NUP58: variants seen among roughly 807,000 people sequenced by gnomAD.
The protein encoded by NUP58 is nucleoporin p58/p45.
NUP58 carries 17 observed loss-of-function variants against 70.1 expected under a neutral mutation model. The observed-to-expected ratio is 0.24, with a 90% CI of 0.17 to 0.36. The LOEUF is 0.36. Among genes scored for constraint, NUP58 ranks in the 10% least tolerant of loss-of-function variants. The pLI is 1.00. For missense variants in NUP58, 644 were observed against 701.5 expected (o/e 0.92, Z 0.93); for synonymous variants, 275 against 257.6 (o/e 1.07, Z -0.65).
chr13:25,306,198 G>A (rs2030347762), intron 1 of NUP58, among the ~76,000 whole-genome samples: 1 of 152,072 alleles, frequency 6.6e-6, no homozygotes, highest in African/African-American at 2.4e-5. Flanking sequence ...GAGGTCAGGA[G>A]ATTGAGACCA....
chr13:25,315,365 C>G lies in NUP58; in HGVS notation c.583C>G (p.Gln195Glu). The change falls in exon 6 of 16, where the codon CAG (glutamine) becomes GAG (glutamate). Residue 195 changes from glutamine (Q) to glutamate (E), a missense_variant. Physicochemically the swap from Gln to Glu is conservative, Grantham distance 29 (BLOSUM62 2). Coordinates refer to ENST00000381736, the MANE Select transcript of NUP58 (RefSeq NM_014089.4). ...TTATGTTTTATTTATAGGACTTGGA[C>G]AGAATGCTTTAGGGTTGACTTTGGG... is the stretch of plus-strand genomic sequence containing the variant. ...STNTGTSGLG[Q>E]NALGLTLGTT... is the part of the protein sequence containing the mutation. The G allele has an allele frequency of 6.2e-7, 1 of 1,611,844 alleles. No homozygotes were observed. The highest frequency in any genetic ancestry group is 8.5e-7 in the Non-Finnish European group (1 of 1,178,194).
intron 3 of NUP58, among the ~76,000 whole-genome samples, chr13:25,348,372 TTGA>T (rs1439524469): frequency 6.6e-6 from 1 of 152,002 alleles, no homozygotes; most frequent in East Asian, 1.9e-4. Context: ...TGATTTTGTA[TTGA>T]TGACATGTTG....
chr13:25,338,054 T>G (rs2031845339), intron 14 of NUP58, among the ~76,000 whole-genome samples: 1 of 152,178 alleles, frequency 6.6e-6, no homozygotes, highest in South Asian at 2.1e-4. Context: ...CATGATCTTC[T>G]CACCACCAAT....
chr13:25,313,732 T>G lies in NUP58; in HGVS notation c.555T>G (p.Ser185Arg), dbSNP rs1003058543. ...GTTTGGGAGGTTCACTTTTCCAGAG[T>G]ACAAACACAGGAACATCAGGTAATT... is the stretch of plus-strand genomic sequence containing the variant. ...LAGLGGSLFQ[S>R]TNTGTSGLGQ... The change falls in exon 5 of 16, where the codon AGT becomes AGG. Residue 185 changes from serine (S) to arginine (R), a missense_variant. By Grantham distance (110) the Ser-to-Arg change is moderately radical (BLOSUM62 -1). Around this residue, in one of 4 missense-constraint regions of NUP58, gnomAD observed 430 missense variants for 409.2 expected, o/e 1.05. Coordinates refer to ENST00000381736, the MANE Select transcript of NUP58 (RefSeq NM_014089.4). The G allele has an allele frequency of 6.5e-7, 1 of 1,528,862 alleles. No individual in the cohort carries two copies. Among genetic ancestry groups the G allele is most frequent in the South Asian group, 1.3e-5 (1 of 74,628 alleles). 94.7% of individuals were successfully genotyped at this position (1,528,862 alleles called of 1,614,324 possible).
In NUP58 at chr13:25,310,206, A is replaced by ATTTTTTT. The variant is rs796547133; in HGVS notation, c.286+948_286+954dup. Among the ~76,000 whole-genome samples the ATTTTTTT allele has an allele frequency of 6.1e-4, 29 of 47,498 alleles. 1 individual carries two copies. Among genetic ancestry groups the ATTTTTTT allele is most frequent in the African/African-American group, 1.7e-3 (26 of 15,356 alleles). The allele number at this position is 47,498 out of a possible 152,430, so 31.2% of individuals were successfully genotyped here. ...AGGCACATACCACAACCCTTGGCTA[A>ATTTTTTT]TTTTTTTTTTTTTTTTTTTTTTTTT... On this transcript the variant is annotated intron_variant, in intron 3 of 15. Transcript: ENST00000381736.
chr13:25,347,448 T>C (rs560547817), intron 3 of NUP58, among the ~76,000 whole-genome samples: 7 of 152,318 alleles, frequency 4.6e-5, no homozygotes, highest in African/African-American at 1.7e-4. Context: ...GGGGAGAATT[T>C]ACCTAGGGTA....
chr13:25,332,895 A>C (rs977501010), intron 13 of NUP58: 2 of 985,320 alleles, frequency 2.0e-6, no homozygotes, highest in Admixed American at 1.2e-4. Flanking sequence ...AGCTCTCATG[A>C]TTACCTAACC....
chr13:25,337,143 G>T (rs1468594235), intron 14 of NUP58, 109 bp downstream of exon 14: 1 of 552,658 alleles, frequency 1.8e-6, no homozygotes, highest in South Asian at 4.0e-5. Context: ...GGAAGTTAAG[G>T]TTCCATCTGG....
Position 25,301,696 on chromosome 13 carries a change from G to T in NUP58, c.-78G>T, listed in dbSNP as rs571252971. 6 of 737,990 alleles carry T rather than the reference G, an allele frequency of 8.1e-6. No homozygotes were observed. The East Asian group carries it at 2.0e-4, about 25-fold the overall frequency. The allele number at this position is 737,990 out of a possible 1,614,324, so 45.7% of individuals were successfully genotyped here. A position where few individuals can be genotyped will look rare whatever the true frequency, so the allele number is the denominator to read the frequency against. ...GTGCCGGGCGAGAGAGATGCTGCCC[G>T]GCCCGCCTCGGCTTTGAGGCGAGAG... On this transcript the variant is annotated 5_prime_UTR_variant, in exon 1 of 16. Coordinates refer to ENST00000381736, the MANE Select transcript of NUP58 (RefSeq NM_014089.4).
Position 25,340,176 on chromosome 13 carries a change from C to G in NUP58, c.*42C>G. ...TGAGAGAATCCATAGCAGCACCGTTCATTCTATGAGTCTATTTTTCTAATG... is the reference window on the plus strand; with the variant it reads ...TGAGAGAATCCATAGCAGCACCGTTGATTCTATGAGTCTATTTTTCTAATG... On this transcript the variant is annotated 3_prime_UTR_variant, in exon 16 of 16. Coordinates refer to ENST00000381736, the MANE Select transcript of NUP58 (RefSeq NM_014089.4). The G allele has an allele frequency of 6.6e-7, 1 of 1,507,100 alleles. No individual in the cohort carries two copies. The highest frequency in any genetic ancestry group is 8.9e-7 in the Non-Finnish European group (1 of 1,123,960). The allele number at this position is 1,507,100 out of a possible 1,614,324, so 93.4% of individuals were successfully genotyped here. A position where few individuals can be genotyped will look rare whatever the true frequency, so the allele number is the denominator to read the frequency against.
At chr13:25,347,742 T>G (rs1374722711) in intron 3 of NUP58, among the ~76,000 whole-genome samples, 3 of 152,230 alleles carry the variant, frequency 2.0e-5, no homozygotes, top group Non-Finnish European at 4.4e-5. Context: ...AGCTTGTTTT[T>G]GTAGATGTTT....
rs1223173694 is a variant in NUP58 at position 25,337,229 on chromosome 13, GA to G, written c.1534+197del. Among the ~76,000 whole-genome samples, 3 of 152,016 alleles carry G rather than the reference GA, an allele frequency of 2.0e-5. No individual in the cohort carries two copies. The South Asian group carries it at 6.2e-4, about 31-fold the overall frequency. On this transcript the variant is annotated intron_variant, in intron 14 of 15. Transcript: ENST00000381736. Reference sequence around the variant, plus strand: ...CTTAAAGAATCATTCCATCTTCTGTGAACAGCAAATATAAAGTATTAAAATT... The same window carrying G: ...CTTAAAGAATCATTCCATCTTCTGTGACAGCAAATATAAAGTATTAAAATT...
chr13:25,319,822 G>C (rs895782096), intron 7 of NUP58, among the ~76,000 whole-genome samples: 14 of 152,040 alleles, frequency 9.2e-5, no homozygotes, highest in Admixed American at 7.2e-4. Context: ...CACATGATTT[G>C]TACTATATTA....
chr13:25,303,597 T>A (rs1196492036), intron 1 of NUP58, among the ~76,000 whole-genome samples: 2 of 152,182 alleles, frequency 1.3e-5, no homozygotes, highest in Non-Finnish European at 2.9e-5. Flanking sequence ...AATGGTCTCT[T>A]CCCCAGAGAG....
intron 9 of NUP58, among the ~76,000 whole-genome samples, chr13:25,322,136 T>C (rs930295724): frequency 3.9e-5 from 6 of 152,224 alleles, no homozygotes; most frequent in Admixed American, 6.5e-5. Flanking sequence ...CTAGAAATCT[T>C]TCCGTGAAGT....
Position 25,338,644 on chromosome 13 carries a change from A to C in NUP58, c.1543A>C (p.Thr515Pro). The C allele has an allele frequency of 6.2e-7, 1 of 1,613,232 alleles. No homozygotes were observed. Among genetic ancestry groups the C allele is most frequent in the South Asian group, 1.1e-5 (1 of 91,032 alleles). ...TATTACCCTTCCACTAGGATTTGGA[A>C]CTAGCTCTGGTTTTGGATGCAGCAC... ...LGSSNLGGFGTSSGFGCSTTG... is the reference protein window; with the variant it reads ...LGSSNLGGFGPSSGFGCSTTG... The change falls in exon 15 of 16, where the codon ACT becomes CCT. Residue 515 changes from threonine to proline, a missense_variant. Coordinates refer to ENST00000381736, the MANE Select transcript of NUP58 (RefSeq NM_014089.4).
Position 25,301,682 on chromosome 13 carries a change from G to C in NUP58, c.-92G>C. The stretch of plus-strand genomic sequence containing the variant: ...TTCCCGCCAGGTCCGTGCCGGGCGA[G>C]AGAGATGCTGCCCGGCCCGCCTCGG... On this transcript the variant is annotated 5_prime_UTR_variant, in exon 1 of 16. Coordinates refer to ENST00000381736, the MANE Select transcript of NUP58 (RefSeq NM_014089.4). The C allele has an allele frequency of 1.6e-6, 1 of 637,376 alleles. No individual in the cohort carries two copies. Among genetic ancestry groups the C allele is most frequent in the Non-Finnish European group, 2.5e-6 (1 of 404,414 alleles). The allele number at this position is 637,376 out of a possible 1,614,324, so 39.5% of individuals were successfully genotyped here.
intron 1 of NUP58, among the ~76,000 whole-genome samples, chr13:25,305,614 G>A (rs910338572): frequency 1.3e-5 from 2 of 152,110 alleles, no homozygotes; most frequent in Non-Finnish European, 2.9e-5. Context: ...CACATCTCAA[G>A]TTCTACCCTT....
At chr13:25,348,983 A>G (rs1374883664) in intron 3 of NUP58, among the ~76,000 whole-genome samples, 2 of 152,098 alleles carry the variant, frequency 1.3e-5, no homozygotes, top group Non-Finnish European at 2.9e-5. Flanking sequence ...CTTTCACACC[A>G]GGGGCTGTTT....
Sources: allele counts gnomAD v4.1 joint callset (sites outside exome capture counted in the v4.1 genomes callset), GRCh38; gene constraint gnomAD v4.1.1; regional missense constraint gnomAD v4.1.1; transcripts MANE v1.5; gene names NCBI Gene and HGNC (gene_info 2026-07-23, HGNC 2026-07-21).